Variants in IDS observed in about 807,000 individuals in gnomAD.
IDS encodes the protein iduronate 2-sulfatase.
A neutral mutation model predicts 33.5 loss-of-function variants in IDS; 1 was observed. The ratio of observed to expected loss-of-function variants is 0.03; its 90% CI spans 0.01 to 0.14. The LOEUF (loss-of-function observed/expected upper bound fraction) is 0.14. IDS is among the 10% of genes least tolerant of loss of function. The pLI is 1.00. For missense variants in IDS, 328 were observed against 448.0 expected, an observed-to-expected ratio of 0.73 and a Z score of 2.42; for synonymous variants, 191 against 184.4, an observed-to-expected ratio of 1.04 and a Z score of -0.29.
chrX:149,487,349 C>A, intron 7 of IDS: 6 of 1,051,310 alleles, frequency 5.7e-6, no homozygotes, highest in Non-Finnish European at 8.0e-6. Flanking sequence ...TTCCCAAACT[C>A]AAATATCTTA....
At chrX:149,502,005 A>G (rs2089484163) in intron 3 of IDS, 8 of 248,700 alleles carry the variant, frequency 3.2e-5, no homozygotes, top group South Asian at 3.1e-4. Context: ...AATGATGATG[A>G]TGATAAAAAC....
chrX:149,492,498 A>T (rs1342933352), intron 6 of IDS, among the ~76,000 whole-genome samples: 1 of 111,445 alleles, frequency 9.0e-6, no homozygotes, highest in African/African-American at 3.3e-5. Flanking sequence ...ATGTGACTGG[A>T]GAATCAAATG....
chrX:149,493,329 A>G (rs1417931932), intron 6 of IDS, among the ~76,000 whole-genome samples: 1 of 112,282 alleles, frequency 8.9e-6, no homozygotes, highest in Non-Finnish European at 1.9e-5. Flanking sequence ...AAGGAAGGTC[A>G]GGACCTACAC....
Position 149,505,201 on chromosome X carries a change from A to AGCCGCC in IDS, c.-70_-65dup. ...GGCTGCAGCAGGTGGCGCAGTTAGCAGCCGCCGCCGCAGCCACAGAGACCT... is the reference window on the plus strand; with the variant it reads ...GGCTGCAGCAGGTGGCGCAGTTAGCAGCCGCCGCCGCCGCCGCAGCCACAGAGACCT... On this transcript the variant is annotated 5_prime_UTR_variant, in exon 1 of 9. Transcript: ENST00000340855. The AGCCGCC allele has an allele frequency of 1.2e-6, 1 of 829,734 alleles. No homozygotes were observed. The highest frequency in any genetic ancestry group is 3.5e-5 in the East Asian group (1 of 28,811). 68.4% of individuals were successfully genotyped at this position (829,734 alleles called of 1,213,427 possible).
chrX:149,502,293 C>T lies in IDS; in HGVS notation c.418+1019G>A, dbSNP rs1324856500. 3 of 254,401 alleles carry T rather than the reference C, an allele frequency of 1.2e-5. No homozygotes were observed. The Admixed American group carries it at 1.3e-4, about 11-fold the overall frequency. 21.0% of individuals were successfully genotyped at this position (254,401 alleles called of 1,213,427 possible). On this transcript the variant is annotated intron_variant, in intron 3 of 8. Coordinates refer to ENST00000340855, the MANE Select transcript of IDS (RefSeq NM_000202.8). ...ATCACTCAGTCCTTGCCTGGTTTCC[C>T]CTCCCAAAGCACAATCTCCTCCCTC...
At chrX:149,486,129 C>A (rs1378857241) in intron 8 of IDS, among the ~76,000 whole-genome samples, 6 of 111,688 alleles carry the variant, frequency 5.4e-5, no homozygotes, top group African/African-American at 2.0e-4. Flanking sequence ...CTGGGCAGAT[C>A]AAGTCAGGAT....
intron 3 of IDS, among the ~76,000 whole-genome samples, chrX:149,501,898 A>G (rs2089483228): frequency 8.9e-6 from 1 of 112,016 alleles, no homozygotes; most frequent in Non-Finnish European, 1.9e-5. Context: ...ACAGGAAGCC[A>G]ACAACCACAG....
chrX:149,504,235 A>G lies in IDS; in HGVS notation c.162T>C (p.Tyr54=), dbSNP rs141088021. Residue 54 remains tyrosine (Y), a synonymous_variant, in exon 2 of 9, where the codon TAT becomes TAC. Coordinates refer to ENST00000340855, the MANE Select transcript of IDS (RefSeq NM_000202.8). ...TTGGGGACCTCACCAGCTTATCCCC[A>G]TAACAGCCCAGGGAGGGGCGCAGGT... The part of the protein sequence containing the change: ...VDDLRPSLGC[Y]GDKLVRSPNI... The G allele has an allele frequency of 2.5e-5, 30 of 1,206,838 alleles. 1 individual carries two copies. In the East Asian group the frequency reaches 4.2e-4, roughly 17 times the overall value.
intron 4 of IDS, among the ~76,000 whole-genome samples, chrX:149,500,717 G>GCA (rs1557339852): frequency 8.9e-6 from 1 of 112,038 alleles, no homozygotes; most frequent in Non-Finnish European, 1.9e-5. Context: ...ACACGTTAGA[G>GCA]CCCAAGGTTT....
Position 149,480,430 on chromosome X carries a change from A to G in IDS, c.*2316T>C, listed in dbSNP as rs782032446. ...CAAATGCAGGATAAAGAAACAGCTC[A>G]TAAGAGGCACTTGCCAACATCCAAC... On this transcript the variant is annotated 3_prime_UTR_variant, in exon 9 of 9. Coordinates refer to ENST00000340855, the MANE Select transcript of IDS (RefSeq NM_000202.8). The G allele has an allele frequency of 6.8e-6, 2 of 296,042 alleles. No individual in the cohort carries two copies. Among genetic ancestry groups the G allele is most frequent in the Admixed American group, 6.1e-5 (1 of 16,316 alleles). 24.4% of individuals were successfully genotyped at this position (296,042 alleles called of 1,213,427 possible).
chrX:149,485,434 G>C (rs2089328308), intron 8 of IDS, among the ~76,000 whole-genome samples: 1 of 112,246 alleles, frequency 8.9e-6, no homozygotes. Context: ...CTTTCTCATA[G>C]ACTGAATATT....
intron 6 of IDS, among the ~76,000 whole-genome samples, chrX:149,495,211 G>A (rs2089426283): frequency 8.9e-6 from 1 of 111,986 alleles, no homozygotes; most frequent in Non-Finnish European, 1.9e-5. Flanking sequence ...TTCACCATCA[G>A]GAGCCCAGAA....
rs1051207857 is a variant in IDS, at chrX:149,498,327, T to C, written c.508-20A>G. ...ACATGTCTTTCAAAACAAAATAATA[T>C]AACATCAGCTTTTTAAGTGCAAGAA... On this transcript the variant is annotated intron_variant, in intron 4 of 8. Coordinates refer to ENST00000340855, the MANE Select transcript of IDS (RefSeq NM_000202.8). 8.6e-7 allele frequency: 1 copy of C among 1,159,244 alleles called. No homozygotes were observed. The highest frequency in any genetic ancestry group is 1.2e-6 in the Non-Finnish European group (1 of 849,757).
rs376676615 is a variant in IDS at position 149,505,212 on chromosome X, C to A, written c.-75G>T. On this transcript the variant is annotated 5_prime_UTR_variant, in exon 1 of 9. Coordinates refer to ENST00000340855, the MANE Select transcript of IDS (RefSeq NM_000202.8). Reference sequence around the variant, plus strand: ...GTGGCGCAGTTAGCAGCCGCCGCCGCAGCCACAGAGACCTCCTCGTCGGGA... The same window carrying A: ...GTGGCGCAGTTAGCAGCCGCCGCCGAAGCCACAGAGACCTCCTCGTCGGGA... The A allele has an allele frequency of 4.4e-5, 33 of 755,361 alleles. No homozygotes were observed. In the African/African-American group the frequency reaches 5.7e-4, roughly 13 times the overall value. 62.3% of individuals were successfully genotyped at this position (755,361 alleles called of 1,213,427 possible).
chrX:149,497,648 G>T (rs2089446174), intron 5 of IDS, among the ~76,000 whole-genome samples: 1 of 112,493 alleles, frequency 8.9e-6, no homozygotes, highest in Non-Finnish European at 1.9e-5. Flanking sequence ...GCAAGTACAG[G>T]ATTTGAGGTT....
intron 8 of IDS, among the ~76,000 whole-genome samples, chrX:149,484,567 A>G (rs782501694): frequency 5.1e-4 from 57 of 112,528 alleles, no homozygotes; most frequent in African/African-American, 1.5e-3. Flanking sequence ...TGATCCGCCC[A>G]CCTTGGCCTC....
intron 1 of IDS, among the ~76,000 whole-genome samples, chrX:149,504,716 G>A (rs782577215): frequency 4.7e-5 from 5 of 105,331 alleles, no homozygotes; most frequent in African/African-American, 7.0e-5. Context: ...TAAAAGGGAC[G>A]GATGGACCAA....
rs913578988 is a variant in IDS, at chrX:149,478,247, T to C, written c.*4499A>G. On this transcript the variant is annotated 3_prime_UTR_variant, in exon 9 of 9. Transcript: ENST00000340855. ...CCCCAACATCTTAAGTGATTAAAGA[T>C]TAATGTAGGTTGGGTGTATACCCAA... 3 of 112,090 alleles carry C rather than the reference T, an allele frequency of 2.7e-5. No homozygotes were observed. The highest frequency in any genetic ancestry group is 5.6e-5 in the Non-Finnish European group (3 of 53,205). 9.2% of individuals were successfully genotyped at this position (112,090 alleles called of 1,213,427 possible). A position where few individuals can be genotyped will look rare whatever the true frequency, so the allele number is the denominator to read the frequency against.
rs781953921 is a variant in IDS at position 149,485,170 on chromosome X, G to A, written c.1180+1755C>T. Among the ~76,000 whole-genome samples the A allele has an allele frequency of 3.5e-4, 39 of 112,220 alleles. 1 individual carries two copies. The South Asian group carries it at 0.012, about 35-fold the overall frequency. ...CCAGAACATGTAAGGCCACTGTGAC[G>A]ACTTTTACTCAGATCAAGAAGGGTA... On this transcript the variant is annotated intron_variant, in intron 8 of 8. Transcript: ENST00000340855.
Sources: gnomAD v4.1 joint callset for allele counts (sites outside exome capture counted in the v4.1 genomes callset) on GRCh38, gnomAD v4.1.1 for gene constraint, MANE v1.5 for transcripts, NCBI Gene and HGNC (gene_info 2026-07-23, HGNC 2026-07-21) for gene names.